The following NR2F1-AS1 variants were observed in gnomAD, a reference collection of about 807,000 sequenced individuals.
NR2F1-AS1 encodes the protein NR2F1 antisense RNA 1.
intron 4 of NR2F1-AS1, among the ~76,000 whole-genome samples, chr5:93,501,297 TG>T (rs746351503): frequency 3.3e-4 from 50 of 150,372 alleles, no homozygotes; most frequent in Non-Finnish European, 6.0e-4. Flanking sequence ...GAAAGTGAGT[TG>T]TTTTTTTTTT....
At chr5:93,416,201 C>T (rs1231955490) in intron 4 of NR2F1-AS1, among the ~76,000 whole-genome samples, 1 of 152,210 alleles carries the variant, frequency 6.6e-6, no homozygotes, top group Non-Finnish European at 1.5e-5. Context: ...ATGGAATGAG[C>T]TGGTCACTAG....
At chr5:93,502,366 T>C (rs1580281895) in intron 4 of NR2F1-AS1, among the ~76,000 whole-genome samples, 1 of 152,088 alleles carries the variant, frequency 6.6e-6, no homozygotes, top group African/African-American at 2.4e-5. Flanking sequence ...CCAAAAAAGG[T>C]ATATAGCTTA....
intron 4 of NR2F1-AS1, among the ~76,000 whole-genome samples, chr5:93,492,684 C>T (rs567778386): frequency 5.3e-5 from 8 of 152,204 alleles, no homozygotes; most frequent in African/African-American, 1.9e-4. Context: ...AAAACACATA[C>T]ACCACGACCA....
chr5:93,534,271 G>C (rs1265603344), intron 4 of NR2F1-AS1, among the ~76,000 whole-genome samples: 1 of 152,154 alleles, frequency 6.6e-6, no homozygotes, highest in African/African-American at 2.4e-5. Flanking sequence ...AAAAAGTAAA[G>C]CTAAGAAAGA....
intron 4 of NR2F1-AS1, among the ~76,000 whole-genome samples, chr5:93,455,281 C>T (rs754022909): frequency 5.3e-5 from 8 of 151,988 alleles, no homozygotes; most frequent in African/African-American, 1.2e-4. Context: ...GTAAAATGTA[C>T]GACACTAGCA....
chr5:93,509,667 A>T (rs1751256377), intron 4 of NR2F1-AS1, among the ~76,000 whole-genome samples: 1 of 151,988 alleles, frequency 6.6e-6, no homozygotes, highest in Non-Finnish European at 1.5e-5. Flanking sequence ...TATAAAGCAA[A>T]CATGTCAAAA....
rs557821174 is a variant in NR2F1-AS1 at position 93,531,445 on chromosome 5, T to C, written n.638+22316A>G. ...TAACGAAAGCCGAGGTCTCACTGGT[T>C]ATGATCCAAACTGCATGGTCTGGTT... On this transcript the variant is annotated intron_variant and non_coding_transcript_variant, in intron 4 of 5. Coordinates refer to ENST00000660523, the Ensembl canonical transcript of NR2F1-AS1. Among the ~76,000 whole-genome samples the C allele has an allele frequency of 1.8e-4, 28 of 152,328 alleles. No individual in the cohort carries two copies. In the East Asian group the frequency reaches 5.4e-3, roughly 29 times the overall value.
intron 4 of NR2F1-AS1, among the ~76,000 whole-genome samples, chr5:93,520,498 C>T (rs1421406969): frequency 6.6e-6 from 1 of 151,944 alleles, no homozygotes; most frequent in Non-Finnish European, 1.5e-5. Context: ...CTTTTTCACT[C>T]AACAAGAGGA....
chr5:93,553,126 C>T (rs756318555), intron 4 of NR2F1-AS1, among the ~76,000 whole-genome samples: 8 of 133,756 alleles, frequency 6.0e-5, no homozygotes, highest in African/African-American at 8.4e-5. Flanking sequence ...CAGTAATACA[C>T]TTTTTTTTTT....
chr5:93,536,583 T>C (rs971593559), intron 4 of NR2F1-AS1, among the ~76,000 whole-genome samples: 56 of 152,202 alleles, frequency 3.7e-4, no homozygotes, highest in African/African-American at 1.3e-3. Context: ...GGCATAAAAA[T>C]AGATAAATAA....
intron 4 of NR2F1-AS1, among the ~76,000 whole-genome samples, chr5:93,530,673 C>T (rs1751718266): frequency 1.3e-5 from 2 of 152,114 alleles, no homozygotes; most frequent in African/African-American, 4.8e-5. Context: ...TCTTGATTTG[C>T]TTTTTAACAT....
intron 1 of NR2F1-AS1, chr5:93,571,156 C>A (rs899476451): frequency 1.3e-5 from 2 of 152,060 alleles, no homozygotes; most frequent in African/African-American, 2.4e-5. Flanking sequence ...GCCACAGGCA[C>A]CTTAGGACCC....
chr5:93,477,179 G>A (rs574890374), intron 4 of NR2F1-AS1, among the ~76,000 whole-genome samples: 1 of 152,290 alleles, frequency 6.6e-6, no homozygotes, highest in African/African-American at 2.4e-5. Flanking sequence ...TGTAGCATTA[G>A]AGAAGCTGTT....
chr5:93,579,509 T>A lies in NR2F1-AS1; in HGVS notation n.313+958A>T, dbSNP rs1193498534. On this transcript the variant is annotated intron_variant and non_coding_transcript_variant, in intron 1 of 5. Transcript: ENST00000660523. This position sits in a 1 kb window ranked among gnomAD's most constrained non-coding sequence, Gnocchi z 5.1. ...CTCTGCTCCCGGGCAGGCTCAGCTG[T>A]CATCCCGTCTCGCCTTGGCCCTCAC... is the stretch of plus-strand genomic sequence containing the variant. Among the ~76,000 whole-genome samples, 1 of 152,106 alleles carries A rather than the reference T, an allele frequency of 6.6e-6. No individual in the cohort carries two copies. Among genetic ancestry groups the A allele is most frequent in the Non-Finnish European group, 1.5e-5 (1 of 68,008 alleles).
upstream of NR2F1-AS1, chr5:93,585,411 A>G: frequency 1.9e-6 from 3 of 1,614,062 alleles, no homozygotes; most frequent in South Asian, 2.2e-5. Context: ...GAACTGTCCC[A>G]TCGACCAGCA....
rs568871576 is a variant in NR2F1-AS1, at chr5:93,457,746, C to CT, written n.639-62205dup. Among the ~76,000 whole-genome samples, 444 of 144,826 alleles carry CT rather than the reference C, an allele frequency of 3.1e-3. 1 individual carries two copies. The highest frequency in any genetic ancestry group is 9.6e-3 in the East Asian group (48 of 5,006). On this transcript the variant is annotated intron_variant and non_coding_transcript_variant, in intron 4 of 5. Coordinates refer to ENST00000660523, the Ensembl canonical transcript of NR2F1-AS1. The stretch of plus-strand genomic sequence containing the variant: ...TTGTGTCACCTTTGTGTTCTCTAGG[C>CT]TTTTTTTTTTTAGCTAACTCTGTCA...
chr5:93,474,793 C>T (rs1400727262), intron 4 of NR2F1-AS1, among the ~76,000 whole-genome samples: 1 of 152,158 alleles, frequency 6.6e-6, no homozygotes, highest in East Asian at 1.9e-4. Context: ...TTTCAACATA[C>T]AAATTTGGGG....
intron 4 of NR2F1-AS1, among the ~76,000 whole-genome samples, chr5:93,465,215 AAAC>A (rs1449125849): frequency 1.3e-5 from 2 of 152,258 alleles, no homozygotes; most frequent in African/African-American, 4.8e-5. Flanking sequence ...CAAAGAACTT[AAAC>A]AACTTTACAA....
intron 4 of NR2F1-AS1, among the ~76,000 whole-genome samples, chr5:93,499,184 T>G: frequency 6.6e-6 from 1 of 152,180 alleles, no homozygotes; most frequent in Non-Finnish European, 1.5e-5. Context: ...TAAAATTGTT[T>G]CAAATATGTG....
Sources: gnomAD v4.1 joint callset for allele counts (sites outside exome capture counted in the v4.1 genomes callset) on GRCh38, gnomAD v4.1.1 for gene constraint, Gnocchi (gnomAD v3.1) non-coding constraint, MANE v1.5 for transcripts, NCBI Gene and HGNC (gene_info 2026-07-23, HGNC 2026-07-21) for gene names.